SSH2: variants seen among roughly 807,000 people sequenced by gnomAD.
SSH2 encodes the protein slingshot protein phosphatase 2.
SSH2 carries 37 observed loss-of-function variants against 135.2 expected under a neutral mutation model. The observed-to-expected ratio is 0.27, with a 90% CI of 0.21 to 0.36. The LOEUF is 0.36. SSH2 is among the 10% of genes least tolerant of loss of function. SSH2 has a pLI of 1.00. For missense variants in SSH2, 1,408 were observed against 1,765.3 expected, an observed-to-expected ratio of 0.80 and a Z score of 3.63; for synonymous variants, 628 against 646.2, an observed-to-expected ratio of 0.97 and a Z score of 0.43.
intron 3 of SSH2, among the ~76,000 whole-genome samples, chr17:29,730,709 G>C (rs2040159947): frequency 6.6e-6 from 1 of 152,088 alleles, no homozygotes; most frequent in Non-Finnish European, 1.5e-5. Context: ...AAAGTGCTGG[G>C]ATTACAGGCA....
chr17:29,797,819 T>C (rs932610492), intron 2 of SSH2, among the ~76,000 whole-genome samples: 6 of 152,132 alleles, frequency 3.9e-5, no homozygotes, highest in Non-Finnish European at 8.8e-5. Flanking sequence ...GTCCAGAAGT[T>C]TGAAGTTGCA....
intron 2 of SSH2, among the ~76,000 whole-genome samples, chr17:29,833,117 T>C (rs1462882652): frequency 6.6e-6 from 1 of 152,266 alleles, no homozygotes; most frequent in African/African-American, 2.4e-5. Flanking sequence ...TGGTCTATAG[T>C]GCAGATTAGG....
chr17:29,676,957 A>T, intron 7 of SSH2, 72 bp from the exon 8 acceptor site: 2 of 1,320,490 alleles, frequency 1.5e-6, no homozygotes, highest in Non-Finnish European at 2.2e-6. Flanking sequence ...GTTTTCATGG[A>T]TGTATCCCAG....
chr17:29,894,106 T>C (rs2066400218), intron 1 of SSH2, among the ~76,000 whole-genome samples: 1 of 152,112 alleles, frequency 6.6e-6, no homozygotes, highest in Non-Finnish European at 1.5e-5. Context: ...CTTTAGAGCC[T>C]ATAAGTTTCT....
chr17:29,632,738 C>T lies in SSH2; in HGVS notation c.2456G>A (p.Arg819Lys), dbSNP rs779306375. The T allele has an allele frequency of 2.5e-6, 4 of 1,614,050 alleles. No homozygotes were observed. The highest frequency in any genetic ancestry group is 1.7e-5 in the Admixed American group (1 of 59,998). ...KNSIHELLLE[R>K]AQTPENKPGH... ...AGGTTTGTTCTCTGGAGTCTGGGCC[C>T]TCTCAAGGAGCAGCTCATGGATGCT... is the stretch of plus-strand genomic sequence containing the variant. Residue 819 changes from arginine (R) to lysine (K), a missense_variant, in exon 16 of 16, where the codon AGG (arginine) becomes AAG (lysine). This residue lies in a region of SSH2 where 1,080 missense variants were observed against 1,144.5 expected (regional missense o/e 0.94). Coordinates refer to ENST00000540801, the MANE Select transcript of SSH2 (RefSeq NM_001282129.2).
In SSH2 at chr17:29,688,954, G is replaced by A. The variant is rs141122801; in HGVS notation, c.358-4270C>T. 1.5e-3 allele frequency among the ~76,000 whole-genome samples: 233 copies of A among 152,198 alleles called. 2 individuals are homozygous for A. Among genetic ancestry groups the A allele is most frequent in the African/African-American group, 5.3e-3 (222 of 41,524 alleles). ...GTGGATCGCTTGAGGTCAGGAGTTC[G>A]AGATCAGCTGGCCAACAGGGCAAAA... On this transcript the variant is annotated intron_variant, in intron 5 of 15. Transcript: ENST00000540801.
chr17:29,638,157 C>T (rs1266265159), intron 14 of SSH2, among the ~76,000 whole-genome samples: 1 of 151,820 alleles, frequency 6.6e-6, no homozygotes, highest in African/African-American at 2.4e-5. Context: ...TACTATGACA[C>T]TATTTGTGAT....
At chr17:29,765,810 A>G (rs1489915853) in intron 3 of SSH2, among the ~76,000 whole-genome samples, 1 of 152,096 alleles carries the variant, frequency 6.6e-6, no homozygotes. Flanking sequence ...ACTTGAGGTC[A>G]GGAGTTCAAG....
At chr17:29,763,864 T>C (rs1197315427) in intron 3 of SSH2, among the ~76,000 whole-genome samples, 2 of 152,128 alleles carry the variant, frequency 1.3e-5, no homozygotes, top group Non-Finnish European at 2.9e-5. Flanking sequence ...CTATCCAGGC[T>C]TTTTCAAAAG....
At chr17:29,635,877 C>T (rs1023286279) in intron 15 of SSH2, 91 bp downstream of exon 15, 20 of 1,007,384 alleles carry the variant, frequency 2.0e-5, no homozygotes, top group South Asian at 3.1e-5. Context: ...CTCAGCCAGA[C>T]TCTCCATCAA....
Position 29,672,096 on chromosome 17 carries a change from T to C in SSH2, c.648A>G (p.Glu216=), listed in dbSNP as rs765178535. The change falls in exon 9 of 16, where the codon GAA becomes GAG. Residue 216 remains glutamate, a synonymous_variant. Coordinates refer to ENST00000540801, the MANE Select transcript of SSH2 (RefSeq NM_001282129.2). The stretch of plus-strand genomic sequence containing the variant: ...GGTAGTAGTTATGCGCTCTGGCGAC[T>C]TCACAAGCCTTGTGTAAGCTCTGTA... ...SALQSLHKAC[E]VARAHNYYPG... 6.2e-7 allele frequency: 1 copy of C among 1,614,126 alleles called. No individual in the cohort carries two copies. The highest frequency in any genetic ancestry group is 1.3e-5 in the African/African-American group (1 of 75,046).
At chr17:29,765,864 A>G (rs542339555) in intron 3 of SSH2, among the ~76,000 whole-genome samples, 1 of 152,072 alleles carries the variant, frequency 6.6e-6, no homozygotes, top group Admixed American at 6.6e-5. Flanking sequence ...TATTAAAAAT[A>G]CAAAAATTAG....
intron 8 of SSH2, among the ~76,000 whole-genome samples, chr17:29,675,598 A>G (rs992654633): frequency 1.3e-5 from 2 of 152,092 alleles, no homozygotes; most frequent in Admixed American, 1.3e-4. Context: ...GTTCAAGACC[A>G]GCCTGGGCAA....
Position 29,641,955 on chromosome 17 carries a change from T to TAA in SSH2, c.1428-5155_1428-5154dup, listed in dbSNP as rs1478797900. ...ACATTGTCTTTTTTTTTTTTTTTTT[T>TAA]AAAAAAAGAGGGCCAGGAGTTATAG... On this transcript the variant is annotated intron_variant, in intron 14 of 15. Transcript: ENST00000540801. 4.6e-3 allele frequency among the ~76,000 whole-genome samples: 405 copies of TAA among 88,892 alleles called. 3 individuals are homozygous for TAA. The highest frequency in any genetic ancestry group is 0.013 in the African/African-American group (308 of 24,336). The allele number at this position is 88,892 out of a possible 152,430, so 58.3% of individuals were successfully genotyped here.
intron 3 of SSH2, among the ~76,000 whole-genome samples, chr17:29,778,778 G>T (rs2041769826): frequency 7.3e-6 from 1 of 136,826 alleles, no homozygotes; most frequent in Admixed American, 7.9e-5. Flanking sequence ...AGGTTGCAGT[G>T]AGCTGAGATC....
chr17:29,702,986 T>A lies in SSH2; in HGVS notation c.265A>T (p.Ile89Phe). 1 of 1,613,946 alleles carries A rather than the reference T, an allele frequency of 6.2e-7. No homozygotes were observed. Among genetic ancestry groups the A allele is most frequent in the Non-Finnish European group, 8.5e-7 (1 of 1,179,838 alleles). Residue 89 changes from isoleucine (I) to phenylalanine (F), a missense_variant, in exon 4 of 16, where the codon ATC becomes TTC. Coordinates refer to ENST00000540801, the MANE Select transcript of SSH2 (RefSeq NM_001282129.2). ...PRGNGSSTPR[I>F]SHRRNKHAGD... ...GCATGCTTGTTCCGTCTGTGGCTGA[T>A]TCTTGGTGTGGATGAGCCATTTCCC...
chr17:29,635,084 T>C (rs1479046035), intron 15 of SSH2, among the ~76,000 whole-genome samples: 1 of 151,076 alleles, frequency 6.6e-6, no homozygotes. Flanking sequence ...TTGTATTTTT[T>C]GTAGAGACAG....
At position 29,684,485 on chromosome 17, in the gene SSH2, A is replaced by AG; in HGVS notation, c.479+77_479+78insC. 9.4e-6 allele frequency: 7 copies of AG among 742,580 alleles called. No individual in the cohort carries two copies. In the African/African-American group the frequency reaches 1.3e-4, roughly 14 times the overall value. The allele number at this position is 742,580 out of a possible 1,614,324, so 46.0% of individuals were successfully genotyped here. ...GAGTGATGACACTCCGTCCCCATTA[A>AG]AAAAAAAAAAAAAAAAAAGCAACTG... On this transcript the variant is annotated intron_variant, in intron 6 of 15. Transcript: ENST00000540801.
At chr17:29,851,052 G>T (rs2065547378) in intron 1 of SSH2, among the ~76,000 whole-genome samples, 1 of 152,050 alleles carries the variant, frequency 6.6e-6, no homozygotes, top group African/African-American at 2.4e-5. Context: ...TTTAATTCTT[G>T]TTCTCTTATA....
Sources: allele counts gnomAD v4.1 joint callset (sites outside exome capture counted in the v4.1 genomes callset), GRCh38; gene constraint gnomAD v4.1.1; regional missense constraint gnomAD v4.1.1; transcripts MANE v1.5; gene names NCBI Gene and HGNC (gene_info 2026-07-23, HGNC 2026-07-21).